Variants in KDM4B observed in about 807,000 individuals in gnomAD.
KDM4B encodes lysine demethylase 4B.
Under a neutral mutation model 125.2 loss-of-function variants are expected in KDM4B, and 32 were observed. That is an observed-to-expected ratio of 0.26 (90% CI 0.19 to 0.34). The LOEUF is 0.34. Among genes scored for constraint, KDM4B ranks in the 10% least tolerant of loss-of-function variants. The probability of loss-of-function intolerance (pLI) is 1.00; values close to 1 mark genes in which losing one functional copy is unlikely to be tolerated. For synonymous variants in KDM4B, 721 were observed against 677.9 expected (o/e 1.06, Z -0.99); for missense variants, 1,190 against 1,577.7 (o/e 0.75, Z 4.16).
Position 5,142,310 on chromosome 19 carries a change from G to C in KDM4B, c.2551-1657G>C, listed in dbSNP as rs998300159. Among the ~76,000 whole-genome samples the C allele has an allele frequency of 2.0e-5, 3 of 152,194 alleles. No homozygotes were observed. Among genetic ancestry groups the C allele is most frequent in the Non-Finnish European group, 2.9e-5 (2 of 68,014 alleles). On this transcript the variant is annotated intron_variant, in intron 18 of 22. Transcript: ENST00000159111. The surrounding 1 kb of genome is among the most constrained non-coding windows in gnomAD (Gnocchi z 5.4). The stretch of plus-strand genomic sequence containing the variant: ...GTGGGTCTTCAAACTGCGGCTCCCA[G>C]GAAGGGAGGTGACGGCCAAGAACGC...
At position 5,081,920 on chromosome 19, in the gene KDM4B, A is replaced by G. The variant is rs2038308565; in HGVS notation, c.781-447A>G. Among the ~76,000 whole-genome samples, 1 of 152,174 alleles carries G rather than the reference A, an allele frequency of 6.6e-6. No homozygotes were observed. Among genetic ancestry groups the G allele is most frequent in the Non-Finnish European group, 1.5e-5 (1 of 68,026 alleles). Reference sequence around the variant, plus strand: ...CACCACCCGCCCCGAAACCAGCCCCAGCTGCTTCAGGACATGTCACAGTGA... The same window carrying G: ...CACCACCCGCCCCGAAACCAGCCCCGGCTGCTTCAGGACATGTCACAGTGA... On this transcript the variant is annotated intron_variant, in intron 8 of 22. Transcript: ENST00000159111. This position sits in a 1 kb window ranked among gnomAD's most constrained non-coding sequence, Gnocchi z 4.2.
chr19:5,059,223 G>A (rs564707117), intron 6 of KDM4B, among the ~76,000 whole-genome samples: 3 of 152,234 alleles, frequency 2.0e-5, no homozygotes, highest in Non-Finnish European at 2.9e-5. Flanking sequence ...GCAAATCTGC[G>A]GGAGGAGAGT....
rs538169060 is a variant in KDM4B at position 4,983,601 on chromosome 19, A to AGCTGGTGGGGAGGCGCAGG, written c.-109+14382_-109+14400dup. On this transcript the variant is annotated intron_variant, in intron 1 of 22. Coordinates refer to ENST00000159111, the MANE Select transcript of KDM4B (RefSeq NM_015015.3). Reference sequence around the variant, plus strand: ...GCCTGGGCAGCGCCTCTGGCATCGCAGCTGGTGGGGAGGCGCAGGGCTGGT... The same window carrying AGCTGGTGGGGAGGCGCAGG: ...GCCTGGGCAGCGCCTCTGGCATCGCAGCTGGTGGGGAGGCGCAGGGCTGGTGGGGAGGCGCAGGGCTGGT... Among the ~76,000 whole-genome samples the AGCTGGTGGGGAGGCGCAGG allele has an allele frequency of 3.0e-4, 45 of 152,256 alleles. No homozygotes were observed. In the South Asian group the frequency reaches 8.5e-3, roughly 29 times the overall value.
At chr19:5,092,841 G>A (rs1209070040) in intron 9 of KDM4B, among the ~76,000 whole-genome samples, 3 of 152,196 alleles carry the variant, frequency 2.0e-5, no homozygotes, top group Non-Finnish European at 2.9e-5. Context: ...GCTCATGGCT[G>A]TTCCTCAGCC....
intron 11 of KDM4B, among the ~76,000 whole-genome samples, chr19:5,130,420 C>T (rs928069326): frequency 5.3e-5 from 8 of 152,218 alleles, no homozygotes; most frequent in Admixed American, 1.3e-4. Context: ...TGTCCCCTCC[C>T]TGTCACCTGT....
intron 11 of KDM4B, among the ~76,000 whole-genome samples, chr19:5,124,037 G>A (rs1051052368): frequency 2.6e-5 from 4 of 152,274 alleles, no homozygotes; most frequent in South Asian, 2.1e-4. Context: ...GGGGGGCTGC[G>A]TGGGCCACCT....
At chr19:5,027,760 CGA>C (rs1407181357) in intron 2 of KDM4B, among the ~76,000 whole-genome samples, 41 of 152,188 alleles carry the variant, frequency 2.7e-4, no homozygotes, top group Non-Finnish European at 1.8e-4. Flanking sequence ...AGGCTGGTCA[CGA>C]ACTCCTGACC....
chr19:5,041,331 C>T (rs900323868), intron 5 of KDM4B, 80 bp downstream of exon 5: 2 of 1,086,320 alleles, frequency 1.8e-6, no homozygotes, highest in Non-Finnish European at 1.4e-6. Context: ...GGGACTCTGC[C>T]TTGGCAGATG....
At position 5,009,470 on chromosome 19, in the gene KDM4B, G is replaced by A. The variant is rs1291049803; in HGVS notation, c.-108-6787G>A. Among the ~76,000 whole-genome samples, 22 of 152,166 alleles carry A rather than the reference G, an allele frequency of 1.4e-4. 1 individual carries two copies. Among genetic ancestry groups the A allele is most frequent in the Admixed American group, 1.3e-3 (20 of 15,270 alleles). On this transcript the variant is annotated intron_variant, in intron 1 of 22. Coordinates refer to ENST00000159111, the MANE Select transcript of KDM4B (RefSeq NM_015015.3). ...TGTCCACTTGGTTTCTGATCACCTT[G>A]GCTCTTTCACGGCCTGACTCTCCTC...
chr19:5,138,460 C>G (rs935460152), intron 18 of KDM4B: 1 of 202,144 alleles, frequency 4.9e-6, no homozygotes, highest in African/African-American at 2.3e-5. Flanking sequence ...TATAACAAGC[C>G]TGGGCAACAC....
chr19:5,058,963 C>T (rs1295094913), intron 6 of KDM4B, among the ~76,000 whole-genome samples: 1 of 152,244 alleles, frequency 6.6e-6, no homozygotes, highest in Non-Finnish European at 1.5e-5. Flanking sequence ...GAATTCCCAT[C>T]TTCAGATAAT....
intron 22 of KDM4B, among the ~76,000 whole-genome samples, chr19:5,150,783 G>T (rs1197840199): frequency 6.6e-6 from 1 of 152,194 alleles, no homozygotes; most frequent in Non-Finnish European, 1.5e-5. Context: ...GCCCCACCCT[G>T]CACAGGGCGG....
At chr19:5,149,591 C>T (rs912120068) in intron 21 of KDM4B, among the ~76,000 whole-genome samples, 1 of 152,212 alleles carries the variant, frequency 6.6e-6, no homozygotes, top group African/African-American at 2.4e-5. Context: ...GGGAACACGG[C>T]GCCCATCGCA....
At chr19:5,077,584 A>G in intron 8 of KDM4B, 114 bp downstream of exon 8, 1 of 856,124 alleles carries the variant, frequency 1.2e-6, no homozygotes, top group East Asian at 2.5e-5. Flanking sequence ...AGTTTCTAGA[A>G]CAGTGATTAG....
intron 5 of KDM4B, among the ~76,000 whole-genome samples, chr19:5,042,423 C>A (rs2036847382): frequency 6.6e-6 from 1 of 151,958 alleles, no homozygotes; most frequent in Non-Finnish European, 1.5e-5. Context: ...TCGCTTGAAC[C>A]CGGGAGGTGG....
At chr19:5,119,997 C>A in intron 11 of KDM4B, 145 bp downstream of exon 11, 1 of 1,084,786 alleles carries the variant, frequency 9.2e-7, no homozygotes, top group Non-Finnish European at 1.3e-6. Context: ...TGGGGCATTT[C>A]GTGAAAATAG....
chr19:5,053,825 C>G (rs1013940600), intron 6 of KDM4B, among the ~76,000 whole-genome samples: 6 of 152,252 alleles, frequency 3.9e-5, no homozygotes, highest in Non-Finnish European at 5.9e-5. Context: ...GCCACTACCC[C>G]CCAGCAGCGC....
intron 10 of KDM4B, among the ~76,000 whole-genome samples, chr19:5,118,299 G>A (rs1599223138): frequency 6.6e-6 from 1 of 152,230 alleles, no homozygotes; most frequent in Non-Finnish European, 1.5e-5. Context: ...GCCGCAGCCG[G>A]CATTGGTGAT....
rs1599225876 is a variant in KDM4B at position 5,119,650 on chromosome 19, C to T, written c.1116-3C>T. On this transcript the variant is annotated splice_region_variant and splice_polypyrimidine_tract_variant and intron_variant, in intron 10 of 22. Coordinates refer to ENST00000159111, the MANE Select transcript of KDM4B (RefSeq NM_015015.3). ...CTCCTGCCTGATAAACCTCCCTCTC[C>T]AGGTCTCACCGGAAACGGAGCCAGC... 6.4e-7 allele frequency: 1 copy of T among 1,554,162 alleles called. No homozygotes were observed.
Sources: gnomAD v4.1 joint callset for allele counts (sites outside exome capture counted in the v4.1 genomes callset) on GRCh38, gnomAD v4.1.1 for gene constraint, Gnocchi (gnomAD v3.1) non-coding constraint, MANE v1.5 for transcripts, NCBI Gene and HGNC (gene_info 2026-07-23, HGNC 2026-07-21) for gene names.